The following AKAP7 variants were observed in gnomAD, a reference collection of about 807,000 sequenced individuals.
AKAP7 encodes A kinase (PRKA) anchor protein 7.
AKAP7 carries 39 observed loss-of-function variants against 39.5 expected under a neutral mutation model. The observed-to-expected ratio is 0.99, with a 90% CI of 0.76 to 1.29. The LOEUF is 1.29. Among genes scored for constraint, AKAP7 ranks in the 50% most tolerant of loss-of-function variants. The pLI, the probability that AKAP7 is intolerant of heterozygous loss-of-function variation, is 0.00. For missense variants in AKAP7, 414 were observed against 407.7 expected, an observed-to-expected ratio of 1.02 and a Z score of -0.13; for synonymous variants, 140 against 139.1, an observed-to-expected ratio of 1.01 and a Z score of -0.05.
chr6:131,234,903 ATTAT>A (rs762263959), intron 7 of AKAP7, among the ~76,000 whole-genome samples: 55 of 151,060 alleles, frequency 3.6e-4, no homozygotes, highest in Non-Finnish European at 4.7e-4. Context: ...TTTTTTTATT[ATTAT>A]TTCTTTTTTT....
intron 7 of AKAP7, among the ~76,000 whole-genome samples, chr6:131,274,510 C>T (rs1814578340): frequency 6.6e-6 from 1 of 152,048 alleles, no homozygotes; most frequent in Non-Finnish European, 1.5e-5. Context: ...AAACCTCCCT[C>T]TATTGTTTTT....
At chr6:131,181,404 C>T (rs960784416) in intron 5 of AKAP7, among the ~76,000 whole-genome samples, 6 of 152,146 alleles carry the variant, frequency 3.9e-5, no homozygotes, top group Non-Finnish European at 7.4e-5. Flanking sequence ...CATTCGTTCC[C>T]TACTTTCTGT....
At chr6:131,162,106 C>T (rs1803028900) in intron 3 of AKAP7, among the ~76,000 whole-genome samples, 1 of 152,214 alleles carries the variant, frequency 6.6e-6, no homozygotes, top group Non-Finnish European at 1.5e-5. Context: ...TCTGCCCTCT[C>T]TCCCCTCCTA....
At chr6:131,134,049 G>A (rs985258157), upstream of AKAP7, among the ~76,000 whole-genome samples, 7 of 152,164 alleles carry the variant, frequency 4.6e-5, no homozygotes, top group Admixed American at 2.6e-4. Context: ...TCAGCTCACT[G>A]CAACCTCCAC....
At chr6:131,254,962 C>A (rs896658444) in intron 7 of AKAP7, among the ~76,000 whole-genome samples, 5 of 151,982 alleles carry the variant, frequency 3.3e-5, no homozygotes, top group African/African-American at 1.2e-4. Context: ...TTGAGGTATG[C>A]AGTGTGGATT....
At chr6:131,154,468 GTTTTT>G in intron 2 of AKAP7, among the ~76,000 whole-genome samples, 1 of 112,540 alleles carries the variant, frequency 8.9e-6, no homozygotes, top group Admixed American at 9.6e-5. Context: ...CCCTGTCCCT[GTTTTT>G]TTTTTTTTTT....
the AKAP7 span, among the ~76,000 whole-genome samples, chr6:131,126,056 G>A: frequency 1.3e-5 from 2 of 152,162 alleles, no homozygotes; most frequent in South Asian, 2.1e-4. Flanking sequence ...CCATGAAGGT[G>A]TCCTCTCTCC....
At position 131,262,427 on chromosome 6, in the gene AKAP7, C is replaced by T. The variant is rs1179625058; in HGVS notation, c.851-19103C>T. On this transcript the variant is annotated intron_variant, in intron 7 of 7. Coordinates refer to ENST00000431975, the MANE Select transcript of AKAP7 (RefSeq NM_016377.4). ...ATAACTGGCACATCGTTGTTGGCTA[C>T]ACATTTTGGCAATATCTTTTTTCCC... Among the ~76,000 whole-genome samples, 7 of 152,124 alleles carry T rather than the reference C, an allele frequency of 4.6e-5. No homozygotes were observed. In the East Asian group the frequency reaches 1.3e-3, roughly 29 times the overall value.
chr6:131,169,693 T>G (rs778165816), intron 5 of AKAP7, among the ~76,000 whole-genome samples: 4 of 152,198 alleles, frequency 2.6e-5, no homozygotes, highest in Non-Finnish European at 4.4e-5. Flanking sequence ...TGCAGCACAA[T>G]TGAAAGTGTC....
intron 5 of AKAP7, among the ~76,000 whole-genome samples, chr6:131,182,645 C>T (rs1007968898): frequency 3.9e-5 from 6 of 152,158 alleles, no homozygotes; most frequent in Admixed American, 3.3e-4. Context: ...GAGTTCAGAT[C>T]TTTTGGATAT....
chr6:131,158,778 A>G (rs1223672490), intron 2 of AKAP7, among the ~76,000 whole-genome samples: 2 of 152,116 alleles, frequency 1.3e-5, no homozygotes, highest in African/African-American at 2.4e-5. Flanking sequence ...AAGTGCTGGG[A>G]TTACAGGTGT....
chr6:131,158,925 A>G (rs1333358001), intron 2 of AKAP7, among the ~76,000 whole-genome samples: 1 of 152,016 alleles, frequency 6.6e-6, no homozygotes, highest in African/African-American at 2.4e-5. Context: ...TAAAAAAAAA[A>G]AAAAGATGAT....
At chr6:131,165,592 A>G (rs1025210816) in intron 4 of AKAP7, among the ~76,000 whole-genome samples, 2 of 152,338 alleles carry the variant, frequency 1.3e-5, no homozygotes, top group Admixed American at 6.5e-5. Flanking sequence ...GAAGAAAATA[A>G]TAGTACCAAT....
chr6:131,216,306 T>C (rs1407385526), intron 6 of AKAP7, among the ~76,000 whole-genome samples: 1 of 152,216 alleles, frequency 6.6e-6, no homozygotes, highest in Non-Finnish European at 1.5e-5. Flanking sequence ...CATAGTAATG[T>C]AAGTCTGAGC....
chr6:131,135,561 G>T lies in AKAP7; in HGVS notation c.-203G>T. 4.2e-6 allele frequency: 1 copy of T among 237,226 alleles called. No individual in the cohort carries two copies. The highest frequency in any genetic ancestry group is 1.4e-4 in the South Asian group (1 of 7,058). The allele number at this position is 237,226 out of a possible 1,614,324, so 14.7% of individuals were successfully genotyped here. ...CCGCTGCCGCGGGGGCTGCGGCTTG[G>T]GAAGCTCCGCGCTTCCGCAGGCCTG... is the stretch of plus-strand genomic sequence containing the variant. On this transcript the variant is annotated 5_prime_UTR_variant, in exon 1 of 8. Coordinates refer to ENST00000431975, the MANE Select transcript of AKAP7 (RefSeq NM_016377.4).
intron 7 of AKAP7, among the ~76,000 whole-genome samples, chr6:131,265,867 A>T (rs752663865): frequency 7.9e-5 from 12 of 152,138 alleles, no homozygotes; most frequent in Non-Finnish European, 1.6e-4. Context: ...TGGGGGGAAA[A>T]CCCAGGCACA....
chr6:131,234,270 A>C (rs1269399889), intron 7 of AKAP7, among the ~76,000 whole-genome samples: 1 of 152,226 alleles, frequency 6.6e-6, no homozygotes, highest in African/African-American at 2.4e-5. Context: ...TTTAAGATCA[A>C]AGATGGTAGG....
At chr6:131,220,400 T>C (rs1809597339) in intron 7 of AKAP7, among the ~76,000 whole-genome samples, 1 of 152,194 alleles carries the variant, frequency 6.6e-6, no homozygotes, top group Non-Finnish European at 1.5e-5. Context: ...AGATCTTTCA[T>C]CCAGAATAGA....
intron 7 of AKAP7, among the ~76,000 whole-genome samples, chr6:131,271,793 A>G (rs1439128479): frequency 6.6e-6 from 1 of 152,230 alleles, no homozygotes; most frequent in Admixed American, 6.5e-5. Flanking sequence ...TTAGAATAAA[A>G]AAGTTCTCTT....
Sources: allele counts gnomAD v4.1 joint callset (sites outside exome capture counted in the v4.1 genomes callset), GRCh38; gene constraint gnomAD v4.1.1; transcripts MANE v1.5; gene names NCBI Gene and HGNC (gene_info 2026-07-23, HGNC 2026-07-21).